Variants in FSTL4 observed in about 807,000 individuals in gnomAD.
FSTL4 encodes the protein follistatin like 4.
A neutral mutation model predicts 78.2 loss-of-function variants in FSTL4; 28 were observed. The ratio of observed to expected loss-of-function variants is 0.36; its 90% CI spans 0.27 to 0.49. The LOEUF is 0.49. Ranked by LOEUF, FSTL4 falls within the 20% of genes least tolerant of loss-of-function variation. The probability of loss-of-function intolerance (pLI) is 0.98; values close to 1 mark genes in which losing one functional copy is unlikely to be tolerated. For synonymous variants in FSTL4, 422 were observed against 440.5 expected (o/e 0.96, Z 0.53); for missense variants, 922 against 1,084.9 (o/e 0.85, Z 2.11).
the FSTL4 span, among the ~76,000 whole-genome samples, chr5:133,774,322 T>A: frequency 6.6e-6 from 1 of 152,152 alleles, no homozygotes; most frequent in Non-Finnish European, 1.5e-5. Context: ...CAATCAGAAG[T>A]GATTTGCTTG....
At chr5:133,263,711 A>C (rs1218351955) in intron 6 of FSTL4, among the ~76,000 whole-genome samples, 3 of 152,200 alleles carry the variant, frequency 2.0e-5, no homozygotes, top group East Asian at 3.9e-4. Flanking sequence ...TGGTAGACAG[A>C]AGGTCAAGGA....
At chr5:133,708,892 T>C in the FSTL4 span, among the ~76,000 whole-genome samples, 1 of 152,144 alleles carries the variant, frequency 6.6e-6, no homozygotes, top group Non-Finnish European at 1.5e-5. Context: ...GTCTAACTCC[T>C]CCACCAGAAA....
chr5:133,609,896 TAAAG>T (rs1321509260), intron 1 of FSTL4, among the ~76,000 whole-genome samples: 1 of 152,186 alleles, frequency 6.6e-6, no homozygotes, highest in Non-Finnish European at 1.5e-5. Context: ...ACAGAAAATG[TAAAG>T]AAAGATGTGC....
At chr5:133,368,096 G>A (rs758825007) in intron 4 of FSTL4, among the ~76,000 whole-genome samples, 1 of 152,236 alleles carries the variant, frequency 6.6e-6, no homozygotes, top group Non-Finnish European at 1.5e-5. Flanking sequence ...CTAAGCCCTT[G>A]GACTGTGCTG....
chr5:133,396,236 G>A (rs961599643), intron 4 of FSTL4, among the ~76,000 whole-genome samples: 4 of 152,228 alleles, frequency 2.6e-5, no homozygotes, highest in African/African-American at 7.2e-5. Flanking sequence ...CCCTAGTGCT[G>A]TTGACACTGC....
intron 3 of FSTL4, among the ~76,000 whole-genome samples, chr5:133,447,526 GATTATA>G (rs1403490700): frequency 5.9e-5 from 9 of 152,048 alleles, no homozygotes; most frequent in Admixed American, 1.3e-4. Context: ...ATGTATGTGG[GATTATA>G]ATTTCTTTTT....
chr5:133,249,334 C>G lies in FSTL4; in HGVS notation c.894+76G>C, dbSNP rs994228577. 18 of 1,161,752 alleles carry G rather than the reference C, an allele frequency of 1.5e-5. No homozygotes were observed. The South Asian group carries it at 2.3e-4, about 15-fold the overall frequency. 72.0% of individuals were successfully genotyped at this position (1,161,752 alleles called of 1,614,324 possible). On this transcript the variant is annotated intron_variant, in intron 7 of 15. Coordinates refer to ENST00000265342, the MANE Select transcript of FSTL4 (RefSeq NM_015082.2). ...AAACTAAAACTCTCCCGTCCTGCCA[C>G]TGTCTGTGGCATCTTACCCAGTGTA...
chr5:133,265,172 G>A (rs959013273), intron 6 of FSTL4, among the ~76,000 whole-genome samples: 4 of 152,068 alleles, frequency 2.6e-5, no homozygotes, highest in Non-Finnish European at 4.4e-5. Context: ...ACATCATCTC[G>A]GAGGGAGCGG....
the FSTL4 span, among the ~76,000 whole-genome samples, chr5:133,808,534 T>A: frequency 2.0e-5 from 3 of 152,240 alleles, no homozygotes; most frequent in Non-Finnish European, 4.4e-5. Flanking sequence ...GAAGTCCAGA[T>A]GTTAAGGGAC....
intron 3 of FSTL4, among the ~76,000 whole-genome samples, chr5:133,422,266 G>C (rs897196183): frequency 2.6e-5 from 4 of 152,180 alleles, no homozygotes; most frequent in African/African-American, 9.7e-5. Context: ...TTAAGCAGGA[G>C]AGTGGTACGA....
At chr5:133,738,145 G>A in the FSTL4 span, among the ~76,000 whole-genome samples, 1 of 152,108 alleles carries the variant, frequency 6.6e-6, no homozygotes, top group South Asian at 2.1e-4. Context: ...CAGATGTAAA[G>A]AATCGCTGGA....
At chr5:133,825,966 G>A in the FSTL4 span, among the ~76,000 whole-genome samples, 12 of 152,346 alleles carry the variant, frequency 7.9e-5, no homozygotes, top group East Asian at 7.7e-4. Context: ...GTCGCCTGCC[G>A]GTGAGGCTGC....
chr5:133,653,787 T>A, the FSTL4 span, among the ~76,000 whole-genome samples: 1 of 152,326 alleles, frequency 6.6e-6, no homozygotes, highest in Admixed American at 6.5e-5. Context: ...TTTATTCCCA[T>A]GTTAATCTGA....
At chr5:133,271,428 A>C (rs1752762209) in intron 6 of FSTL4, among the ~76,000 whole-genome samples, 1 of 152,196 alleles carries the variant, frequency 6.6e-6, no homozygotes, top group African/African-American at 2.4e-5. Flanking sequence ...TTGGAAGCAC[A>C]GATTCTCAGC....
In FSTL4 at chr5:133,488,496, T is replaced by C. The variant is rs186601986; in HGVS notation, c.160+78690A>G. Among the ~76,000 whole-genome samples the C allele has an allele frequency of 3.7e-4, 57 of 152,334 alleles. No individual in the cohort carries two copies. In the East Asian group the frequency reaches 9.1e-3, roughly 24 times the overall value. On this transcript the variant is annotated intron_variant, in intron 3 of 15. Coordinates refer to ENST00000265342, the MANE Select transcript of FSTL4 (RefSeq NM_015082.2). ...TTCTAACTCCTGACCTCAAGTGATC[T>C]GCCCACCGCGGCCTCCCAAAGTGCT...
the FSTL4 span, among the ~76,000 whole-genome samples, chr5:133,807,315 C>A: frequency 5.3e-5 from 8 of 152,234 alleles, no homozygotes; most frequent in Non-Finnish European, 1.2e-4. Context: ...TCACCTCACC[C>A]AGTGCTATAT....
chr5:133,635,806 C>CT, the FSTL4 span, among the ~76,000 whole-genome samples: 1 of 152,336 alleles, frequency 6.6e-6, no homozygotes, highest in African/African-American at 2.4e-5. Flanking sequence ...TTGGCTCCTA[C>CT]TTTCTGTGTT....
At chr5:133,402,616 T>C (rs1756259173) in intron 3 of FSTL4, among the ~76,000 whole-genome samples, 1 of 152,130 alleles carries the variant, frequency 6.6e-6, no homozygotes, top group South Asian at 2.1e-4. Flanking sequence ...AAAAAATATA[T>C]TTTTCTTGTT....
At chr5:133,808,292 C>T in the FSTL4 span, among the ~76,000 whole-genome samples, 11 of 152,184 alleles carry the variant, frequency 7.2e-5, no homozygotes, top group African/African-American at 1.7e-4. Context: ...GTGGAGCCCT[C>T]GGGGCTAGAC....
Sources: allele counts gnomAD v4.1 joint callset (sites outside exome capture counted in the v4.1 genomes callset), GRCh38; gene constraint gnomAD v4.1.1; transcripts MANE v1.5; gene names NCBI Gene and HGNC (gene_info 2026-07-23, HGNC 2026-07-21).